Variants in KCNH1 observed in about 807,000 individuals in gnomAD.
KCNH1 encodes voltage-gated delayed rectifier potassium channel KCNH1.
A neutral mutation model predicts 69.2 loss-of-function variants in KCNH1; 27 were observed. That is an observed-to-expected ratio of 0.39 (90% CI 0.29 to 0.54). KCNH1 has a LOEUF of 0.54. Among genes scored for constraint, KCNH1 ranks in the 20% least tolerant of loss-of-function variants. The probability of loss-of-function intolerance (pLI) is 0.68; values close to 1 mark genes in which losing one functional copy is unlikely to be tolerated. For synonymous variants in KCNH1, 456 were observed against 487.7 expected, an observed-to-expected ratio of 0.93 and a Z score of 0.86; for missense variants, 798 against 1,261.6, an observed-to-expected ratio of 0.63 and a Z score of 5.57.
intron 5 of KCNH1, among the ~76,000 whole-genome samples, chr1:211,057,562 C>T (rs1690336133): frequency 6.6e-6 from 1 of 151,892 alleles, no homozygotes; most frequent in African/African-American, 2.4e-5. Context: ...TCGCTCGAGC[C>T]CAGGAGGTTA....
intron 6 of KCNH1, among the ~76,000 whole-genome samples, chr1:210,985,725 G>A (rs540731266): frequency 1.5e-3 from 225 of 152,252 alleles, no homozygotes; most frequent in African/African-American, 4.7e-3. Context: ...TTTTGGAACA[G>A]GTGTGGTGTG....
chr1:210,898,306 A>T (rs1469980814), intron 7 of KCNH1, among the ~76,000 whole-genome samples: 1 of 152,196 alleles, frequency 6.6e-6, no homozygotes, highest in Non-Finnish European at 1.5e-5. Context: ...TCAAGGGCAA[A>T]AAAATATGCC....
chr1:211,056,640 G>A lies in KCNH1; in HGVS notation c.558+26140C>T, dbSNP rs556577967. On this transcript the variant is annotated intron_variant, in intron 5 of 10. Coordinates refer to ENST00000271751, the MANE Select transcript of KCNH1 (RefSeq NM_172362.3). ...AACCTAGTACAGTATCAGTGTTGGT[G>A]GCCACAGGGATGCTTGTGTCACCCA... 3.3e-5 allele frequency among the ~76,000 whole-genome samples: 5 copies of A among 152,296 alleles called. No homozygotes were observed. In the East Asian group the frequency reaches 9.6e-4, roughly 29 times the overall value.
intron 3 of KCNH1, among the ~76,000 whole-genome samples, chr1:211,093,645 T>C (rs1262480260): frequency 6.6e-6 from 1 of 152,202 alleles, no homozygotes; most frequent in Non-Finnish European, 1.5e-5. Flanking sequence ...TAAATATATA[T>C]CTTGTAACAA....
In KCNH1 at chr1:210,835,434, G is replaced by A. The variant is rs139646909; in HGVS notation, c.1463-31268C>T. On this transcript the variant is annotated intron_variant, in intron 7 of 10. Transcript: ENST00000271751. ...AAACATTACCTTCTTAACACTTATC[G>A]TTTCAAGAAAATATTTTATCTAAAT... Among the ~76,000 whole-genome samples, 186 of 152,186 alleles carry A rather than the reference G, an allele frequency of 1.2e-3. 2 individuals are homozygous for A. The highest frequency in any genetic ancestry group is 2.3e-3 in the South Asian group (11 of 4,820).
chr1:211,066,211 G>C (rs1690527555), intron 5 of KCNH1, among the ~76,000 whole-genome samples: 1 of 152,096 alleles, frequency 6.6e-6, no homozygotes, highest in South Asian at 2.1e-4. Flanking sequence ...TTTAAAACCT[G>C]ATTTCTGAAA....
rs374097632 is a variant in KCNH1, at chr1:211,065,439, T to C, written c.558+17341A>G. 2.0e-5 allele frequency among the ~76,000 whole-genome samples: 3 copies of C among 152,118 alleles called. No homozygotes were observed. The East Asian group carries it at 5.8e-4, about 29-fold the overall frequency. On this transcript the variant is annotated intron_variant, in intron 5 of 10. Transcript: ENST00000271751. The stretch of plus-strand genomic sequence containing the variant: ...TATGTGGAACCTAAAAAAAGTTGAA[T>C]AGAAGTAGAGAGTAGACTGGTGGTT...
At chr1:210,825,164 T>C (rs1685009789) in intron 7 of KCNH1, among the ~76,000 whole-genome samples, 1 of 152,214 alleles carries the variant, frequency 6.6e-6, no homozygotes, top group South Asian at 2.1e-4. Context: ...CAAATCTGAA[T>C]AACCATAGTT....
intron 6 of KCNH1, among the ~76,000 whole-genome samples, chr1:210,953,703 G>A (rs1037930387): frequency 1.3e-5 from 2 of 152,092 alleles, no homozygotes; most frequent in Admixed American, 6.6e-5. Context: ...ATCCTCCAGT[G>A]GCTTTCCAGT....
chr1:211,113,247 T>C (rs916004029), intron 1 of KCNH1, among the ~76,000 whole-genome samples: 3 of 152,220 alleles, frequency 2.0e-5, no homozygotes, highest in Admixed American at 1.3e-4. Context: ...CCTAGGTCTA[T>C]GTGACTTCAA....
At chr1:210,688,394 A>G (rs986746967) in intron 10 of KCNH1, among the ~76,000 whole-genome samples, 5 of 152,200 alleles carry the variant, frequency 3.3e-5, no homozygotes, top group African/African-American at 1.2e-4. Context: ...CCCCTGGTGG[A>G]CAGGCCAGGA....
chr1:211,067,579 A>T (rs1357072314), intron 5 of KCNH1, among the ~76,000 whole-genome samples: 4 of 152,176 alleles, frequency 2.6e-5, no homozygotes, highest in African/African-American at 4.8e-5. Context: ...CATCTCAGAG[A>T]ATCCAACCTG....
At chr1:210,989,979 C>G (rs1051073401) in intron 6 of KCNH1, among the ~76,000 whole-genome samples, 16 of 152,216 alleles carry the variant, frequency 1.1e-4, no homozygotes, top group African/African-American at 3.9e-4. Context: ...TATGAACATG[C>G]TGCACTGCTC....
At chr1:210,958,781 T>C (rs1688239444) in intron 6 of KCNH1, among the ~76,000 whole-genome samples, 1 of 152,246 alleles carries the variant, frequency 6.6e-6, no homozygotes, top group Admixed American at 6.5e-5. Context: ...GGGTCTTCTC[T>C]ACACTGTTTA....
intron 9 of KCNH1, 107 bp from the exon 10 acceptor site, chr1:210,775,651 G>T (rs1683845702): frequency 2.6e-6 from 2 of 757,356 alleles, no homozygotes; most frequent in Non-Finnish European, 4.4e-6. Flanking sequence ...GCATTCTGCA[G>T]ATTGGGCTCA....
chr1:210,803,891 C>T (rs1215451391), intron 8 of KCNH1, 76 bp downstream of exon 8: 5 of 1,313,590 alleles, frequency 3.8e-6, no homozygotes, highest in African/African-American at 1.5e-5. Context: ...TTGACATCCA[C>T]TGTCTTAGGC....
At chr1:210,749,909 AT>A (rs1245060573) in intron 10 of KCNH1, among the ~76,000 whole-genome samples, 1 of 151,938 alleles carries the variant, frequency 6.6e-6, no homozygotes, top group African/African-American at 2.4e-5. Flanking sequence ...TGCCTGGCTA[AT>A]TTTTGTATTT....
chr1:210,711,212 A>G (rs1682066319), intron 10 of KCNH1, among the ~76,000 whole-genome samples: 1 of 152,228 alleles, frequency 6.6e-6, no homozygotes, highest in African/African-American at 2.4e-5. Context: ...TATTGCTAAT[A>G]TAAATGCCAT....
chr1:210,683,210 T>G lies in KCNH1; in HGVS notation c.*71A>C. 1.4e-6 allele frequency: 2 copies of G among 1,425,300 alleles called. No individual in the cohort carries two copies. Among genetic ancestry groups the G allele is most frequent in the Non-Finnish European group, 1.9e-6 (2 of 1,046,532 alleles). The allele number at this position is 1,425,300 out of a possible 1,614,324, so 88.3% of individuals were successfully genotyped here. Reference sequence around the variant, plus strand: ...TTGAAAATTGTTGGTCATGTGGACATATGTGGTAGGGGTGGTGGTGACGGC... The same window carrying G: ...TTGAAAATTGTTGGTCATGTGGACAGATGTGGTAGGGGTGGTGGTGACGGC... On this transcript the variant is annotated 3_prime_UTR_variant, in exon 11 of 11. Coordinates refer to ENST00000271751, the MANE Select transcript of KCNH1 (RefSeq NM_172362.3). The surrounding 1 kb of genome is among the most constrained non-coding windows in gnomAD (Gnocchi z 5.7).
Sources: gnomAD v4.1 joint callset for allele counts (sites outside exome capture counted in the v4.1 genomes callset) on GRCh38, gnomAD v4.1.1 for gene constraint, Gnocchi (gnomAD v3.1) non-coding constraint, MANE v1.5 for transcripts, NCBI Gene and HGNC (gene_info 2026-07-23, HGNC 2026-07-21) for gene names.